The following GPC5 variants were observed in gnomAD, a reference collection of about 807,000 sequenced individuals.
GPC5 encodes glypican 5, also known as glypican-5.
In GPC5, 47 loss-of-function variants were observed where a neutral mutation model predicts 53.9. The observed-to-expected ratio is 0.87, with a 90% CI of 0.69 to 1.11. GPC5 has a LOEUF of 1.11. GPC5 is among the 50% of genes most tolerant of loss of function. The pLI, the probability that GPC5 is intolerant of heterozygous loss-of-function variation, is 0.00. For missense variants in GPC5, 748 were observed against 713.1 expected (o/e 1.05, Z -0.56); for synonymous variants, 286 against 263.3 (o/e 1.09, Z -0.84).
intron 7 of GPC5, among the ~76,000 whole-genome samples, chr13:92,438,686 T>C (rs1877424553): frequency 6.6e-6 from 1 of 152,074 alleles, no homozygotes; most frequent in African/African-American, 2.4e-5. Context: ...TGTCAATAAC[T>C]GTTACTGGGA....
At chr13:91,789,551 C>A (rs2037931183) in intron 5 of GPC5, among the ~76,000 whole-genome samples, 1 of 151,950 alleles carries the variant, frequency 6.6e-6, no homozygotes, top group Non-Finnish European at 1.5e-5. Flanking sequence ...AAATCTTTTT[C>A]TTTATCCCCC....
chr13:92,732,787 C>T (rs935936884), intron 7 of GPC5, among the ~76,000 whole-genome samples: 1 of 151,656 alleles, frequency 6.6e-6, no homozygotes, highest in Non-Finnish European at 1.5e-5. Context: ...TGAACCGCTT[C>T]GATGTCTCTA....
intron 5 of GPC5, among the ~76,000 whole-genome samples, chr13:91,828,553 G>T (rs2038610163): frequency 6.6e-6 from 1 of 151,962 alleles, no homozygotes; most frequent in Non-Finnish European, 1.5e-5. Context: ...AGGACTCCTT[G>T]GATAAATGGA....
chr13:91,591,665 G>C (rs1302175149), intron 2 of GPC5, among the ~76,000 whole-genome samples: 1 of 152,064 alleles, frequency 6.6e-6, no homozygotes, highest in East Asian at 1.9e-4. Flanking sequence ...TTTTGTCTGA[G>C]TGTTGATTCA....
intron 7 of GPC5, among the ~76,000 whole-genome samples, chr13:92,694,857 C>T (rs1038202167): frequency 5.3e-5 from 8 of 152,178 alleles, no homozygotes; most frequent in African/African-American, 1.7e-4. Context: ...TCTGTGTCCC[C>T]ACTCAAATTC....
chr13:92,419,780 A>G (rs1876479521), intron 7 of GPC5, among the ~76,000 whole-genome samples: 1 of 152,194 alleles, frequency 6.6e-6, no homozygotes, highest in Non-Finnish European at 1.5e-5. Context: ...TATTTAAGAA[A>G]AACTGAGGGA....
At chr13:92,217,911 CTT>C (rs61595116) in intron 7 of GPC5, among the ~76,000 whole-genome samples, 9 of 85,202 alleles carry the variant, frequency 1.1e-4, no homozygotes, top group Admixed American at 3.3e-4. Flanking sequence ...ATTATTTCTA[CTT>C]TTTTTTTTTT....
chr13:91,473,386 GTTCAAT>G (rs1291747332), intron 2 of GPC5, among the ~76,000 whole-genome samples: 1 of 152,114 alleles, frequency 6.6e-6, no homozygotes, highest in East Asian at 1.9e-4. Flanking sequence ...TAGAAGTATA[GTTCAAT>G]CAATGGAATG....
chr13:91,649,965 T>G (rs2034657359), intron 2 of GPC5, among the ~76,000 whole-genome samples: 1 of 152,188 alleles, frequency 6.6e-6, no homozygotes, highest in South Asian at 2.1e-4. Flanking sequence ...CAGGAAATTG[T>G]AGAAAATGGC....
chr13:92,449,440 A>G (rs773330733), intron 7 of GPC5, among the ~76,000 whole-genome samples: 20 of 152,186 alleles, frequency 1.3e-4, no homozygotes, highest in Admixed American at 5.9e-4. Context: ...AGAATGGAAA[A>G]TCCATATTAT....
intron 7 of GPC5, among the ~76,000 whole-genome samples, chr13:92,483,290 C>T (rs937153509): frequency 6.6e-6 from 1 of 152,106 alleles, no homozygotes; most frequent in African/African-American, 2.4e-5. Context: ...ATGATACAGC[C>T]CACTCCCCAC....
chr13:92,656,072 A>C (rs1886126237), intron 7 of GPC5, among the ~76,000 whole-genome samples: 1 of 152,210 alleles, frequency 6.6e-6, no homozygotes, highest in African/African-American at 2.4e-5. Flanking sequence ...TACAGAAAAA[A>C]AAAGAGTTAT....
chr13:92,198,837 A>G (rs1279413647), intron 7 of GPC5, among the ~76,000 whole-genome samples: 1 of 152,242 alleles, frequency 6.6e-6, no homozygotes, highest in African/African-American at 2.4e-5. Context: ...AGAAATGGTC[A>G]TATACTAAAA....
intron 7 of GPC5, among the ~76,000 whole-genome samples, chr13:92,536,511 C>T (rs1030740698): frequency 2.6e-5 from 4 of 152,018 alleles, no homozygotes; most frequent in African/African-American, 4.8e-5. Flanking sequence ...ATACAGGTGG[C>T]GCTGAGAAAA....
intron 2 of GPC5, among the ~76,000 whole-genome samples, chr13:91,530,460 C>T (rs1428265070): frequency 3.9e-5 from 6 of 152,172 alleles, no homozygotes; most frequent in African/African-American, 9.7e-5. Flanking sequence ...CACCAGTATT[C>T]GAACATTTTG....
At chr13:92,323,030 C>T (rs993638073) in intron 7 of GPC5, among the ~76,000 whole-genome samples, 35 of 151,354 alleles carry the variant, frequency 2.3e-4, no homozygotes, top group Non-Finnish European at 1.2e-4. Context: ...TCAATCTTCC[C>T]AAAAAATATA....
At chr13:92,042,720 C>T (rs537793289) in intron 6 of GPC5, among the ~76,000 whole-genome samples, 4 of 151,982 alleles carry the variant, frequency 2.6e-5, no homozygotes, top group South Asian at 4.2e-4. Flanking sequence ...GTGACTCATG[C>T]GCAAGAAAAA....
chr13:92,330,396 C>G (rs2043280559), intron 7 of GPC5, among the ~76,000 whole-genome samples: 1 of 152,070 alleles, frequency 6.6e-6, no homozygotes, highest in Non-Finnish European at 1.5e-5. Flanking sequence ...GCAGGTTGGG[C>G]CTTCATTTAC....
intron 6 of GPC5, among the ~76,000 whole-genome samples, chr13:92,031,392 C>G (rs7985989): frequency 0.38 from 57,445 of 151,294 alleles, 11,581 homozygotes; most frequent in African/African-American, 0.51. Context: ...CCTCTGGGCA[C>G]ATACCCAGTA....
Sources: allele counts gnomAD v4.1 joint callset (sites outside exome capture counted in the v4.1 genomes callset), GRCh38; gene constraint gnomAD v4.1.1; transcripts MANE v1.5; gene names NCBI Gene and HGNC (gene_info 2026-07-23, HGNC 2026-07-21).